The following SLC25A13 variants were observed in gnomAD, a reference collection of about 807,000 sequenced individuals.
The protein encoded by SLC25A13 is electrogenic aspartate/glutamate antiporter SLC25A13, mitochondrial.
Under a neutral mutation model 85.5 loss-of-function variants are expected in SLC25A13, and 70 were observed. The ratio of observed to expected loss-of-function variants is 0.82; its 90% confidence interval spans 0.68 to 1.00. The LOEUF is 1.00. SLC25A13 is among the 50% of genes least tolerant of loss of function. The probability of loss-of-function intolerance (pLI) is 0.00; values close to 1 mark genes in which losing one functional copy is unlikely to be tolerated. For synonymous variants in SLC25A13, 259 were observed against 288.7 expected (o/e 0.90, Z 1.04); for missense variants, 765 against 819.8 (o/e 0.93, Z 0.82).
At chr7:96,227,441 T>A (rs1198278933) in intron 4 of SLC25A13, among the ~76,000 whole-genome samples, 1 of 152,206 alleles carries the variant, frequency 6.6e-6, no homozygotes, top group African/African-American at 2.4e-5. Flanking sequence ...AATTAATGAC[T>A]TACTCTAAAA....
intron 13 of SLC25A13, among the ~76,000 whole-genome samples, chr7:96,168,024 C>T (rs532220384): frequency 5.3e-5 from 7 of 131,074 alleles, no homozygotes; most frequent in Admixed American, 2.8e-4. Flanking sequence ...CGCTTGAACC[C>T]GGGAGGTGGA....
At chr7:96,138,744 G>A (rs1792398977) in intron 14 of SLC25A13, among the ~76,000 whole-genome samples, 1 of 152,028 alleles carries the variant, frequency 6.6e-6, no homozygotes, top group South Asian at 2.1e-4. Context: ...ATCTAATAGT[G>A]TTAGCATTCA....
At chr7:96,224,467 C>CTAT (rs1796257682) in intron 4 of SLC25A13, among the ~76,000 whole-genome samples, 1 of 152,182 alleles carries the variant, frequency 6.6e-6, no homozygotes, top group Non-Finnish European at 1.5e-5. Flanking sequence ...GCCTCCTCTA[C>CTAT]TATGGTTCCC....
chr7:96,292,125 A>T (rs1042820939), intron 2 of SLC25A13, among the ~76,000 whole-genome samples: 17 of 152,350 alleles, frequency 1.1e-4, no homozygotes, highest in Admixed American at 6.5e-4. Context: ...CTGGTTCAAC[A>T]TACGCAAATC....
intron 14 of SLC25A13, among the ~76,000 whole-genome samples, chr7:96,146,346 G>A (rs550777492): frequency 9.9e-4 from 150 of 152,180 alleles, no homozygotes; most frequent in African/African-American, 3.5e-3. Flanking sequence ...AGTCATCCTA[G>A]ATTTGTGTAT....
At chr7:96,168,546 C>CCA (rs1793868058) in intron 13 of SLC25A13, among the ~76,000 whole-genome samples, 1 of 152,154 alleles carries the variant, frequency 6.6e-6, no homozygotes, top group Non-Finnish European at 1.5e-5. Context: ...CTAGAAAATA[C>CCA]GTGCCACAAC....
At chr7:96,162,894 A>G (rs535471987) in intron 13 of SLC25A13, among the ~76,000 whole-genome samples, 2 of 152,268 alleles carry the variant, frequency 1.3e-5, no homozygotes, top group South Asian at 4.2e-4. Flanking sequence ...GTAAACCTTC[A>G]TTTGATTAAC....
intron 4 of SLC25A13, among the ~76,000 whole-genome samples, chr7:96,231,373 T>C (rs1796532873): frequency 1.3e-5 from 2 of 152,150 alleles, no homozygotes; most frequent in South Asian, 2.1e-4. Flanking sequence ...AAAGGTCTAA[T>C]ATCCAGCAAC....
At chr7:96,281,202 C>T (rs190660148) in intron 2 of SLC25A13, among the ~76,000 whole-genome samples, 131 of 152,150 alleles carry the variant, frequency 8.6e-4, no homozygotes, top group African/African-American at 2.9e-3. Context: ...ACCAGCCTGG[C>T]CAACATGGTG....
At chr7:96,270,061 T>C (rs1035832773) in intron 3 of SLC25A13, among the ~76,000 whole-genome samples, 1 of 152,192 alleles carries the variant, frequency 6.6e-6, no homozygotes, top group Non-Finnish European at 1.5e-5. Context: ...GTACAACATA[T>C]TGACTATACT....
intron 1 of SLC25A13, among the ~76,000 whole-genome samples, chr7:96,301,693 A>G (rs1054409680): frequency 1.3e-5 from 2 of 150,748 alleles, no homozygotes; most frequent in Non-Finnish European, 2.9e-5. Context: ...CAGTGGTGCG[A>G]TCATGGCTTA....
At chr7:96,261,655 C>T (rs540531070) in intron 3 of SLC25A13, among the ~76,000 whole-genome samples, 5 of 152,290 alleles carry the variant, frequency 3.3e-5, no homozygotes, top group Admixed American at 2.6e-4. Flanking sequence ...AATCATGGCA[C>T]AATTATGCCA....
intron 2 of SLC25A13, among the ~76,000 whole-genome samples, chr7:96,285,423 T>C (rs1016942865): frequency 1.1e-4 from 17 of 152,090 alleles, no homozygotes; most frequent in African/African-American, 4.1e-4. Context: ...TGAGCCAGAG[T>C]TGTATTTAAA....
chr7:96,262,015 C>T (rs1797871653), intron 3 of SLC25A13, among the ~76,000 whole-genome samples: 1 of 152,208 alleles, frequency 6.6e-6, no homozygotes, highest in Non-Finnish European at 1.5e-5. Flanking sequence ...CTTCCCAACA[C>T]CGTTGCAATA....
At chr7:96,283,070 C>G (rs1040962815) in intron 2 of SLC25A13, among the ~76,000 whole-genome samples, 7 of 152,132 alleles carry the variant, frequency 4.6e-5, no homozygotes, top group Admixed American at 3.3e-4. Context: ...GAATCACAAG[C>G]CTTAATATGT....
At chr7:96,227,806 GC>G in intron 4 of SLC25A13, among the ~76,000 whole-genome samples, 1 of 152,276 alleles carries the variant, frequency 6.6e-6, no homozygotes. Context: ...TGAAAGGAAA[GC>G]AAACTTCTGG....
intron 4 of SLC25A13, among the ~76,000 whole-genome samples, chr7:96,210,050 A>C (rs1795630185): frequency 6.6e-6 from 1 of 152,076 alleles, no homozygotes; most frequent in Non-Finnish European, 1.5e-5. Context: ...TTTCCCCTCA[A>C]ATTTCCTGCT....
chr7:96,261,207 T>A (rs34331993), intron 3 of SLC25A13, among the ~76,000 whole-genome samples: 1 of 152,304 alleles, frequency 6.6e-6, no homozygotes, highest in African/African-American at 2.4e-5. Flanking sequence ...GACCACTTTA[T>A]CGACCATAGC....
intron 13 of SLC25A13, among the ~76,000 whole-genome samples, chr7:96,153,845 T>A (rs191700208): frequency 1.4e-3 from 216 of 152,324 alleles, no homozygotes; most frequent in Admixed American, 2.5e-3. Flanking sequence ...AAATCTTACA[T>A]ATTTTTATTC....
Sources: gnomAD v4.1 joint callset for allele counts (sites outside exome capture counted in the v4.1 genomes callset) on GRCh38, gnomAD v4.1.1 for gene constraint, MANE v1.5 for transcripts, NCBI Gene and HGNC (gene_info 2026-07-23, HGNC 2026-07-21) for gene names.